BIRC6: variants seen among roughly 807,000 people sequenced by gnomAD.
The protein encoded by BIRC6 is dual E2 ubiquitin-conjugating enzyme/E3 ubiquitin-protein ligase BIRC6.
A neutral mutation model predicts 503.3 loss-of-function variants in BIRC6; 98 were observed. The ratio of observed to expected loss-of-function variants is 0.19; its 90% CI spans 0.17 to 0.23. The LOEUF (loss-of-function observed/expected upper bound fraction) is 0.23. Ranked by LOEUF, BIRC6 falls within the 10% of genes least tolerant of loss-of-function variation. BIRC6 has a pLI of 1.00. For synonymous variants in BIRC6, 2,240 were observed against 2,078.7 expected (o/e 1.08, Z -2.11); for missense variants, 5,360 against 5,806.0 (o/e 0.92, Z 2.50).
rs893911619 is a variant in BIRC6 at position 32,413,284 on chromosome 2, G to A, written c.1478-1485G>A. ...CAACCTCCGCCTTCTGGCTTCAAGC[G>A]ATTTTCCAGCCCCAGCCTCCTGAGT... is the stretch of plus-strand genomic sequence containing the variant. On this transcript the variant is annotated intron_variant, in intron 9 of 73. Transcript: ENST00000421745. Among the ~76,000 whole-genome samples the A allele has an allele frequency of 5.6e-4, 84 of 151,172 alleles. 2 individuals are homozygous for A. The highest frequency in any genetic ancestry group is 5.3e-3 in the Admixed American group (80 of 15,104).
At chr2:32,477,973 A>G (rs1210837882) in intron 35 of BIRC6, among the ~76,000 whole-genome samples, 1 of 152,122 alleles carries the variant, frequency 6.6e-6, no homozygotes, top group Non-Finnish European at 1.5e-5. Context: ...TAATGTGGAT[A>G]TGTTTATCTC....
At chr2:32,400,627 G>A (rs376142712) in intron 6 of BIRC6, among the ~76,000 whole-genome samples, 1 of 151,974 alleles carries the variant, frequency 6.6e-6, no homozygotes, top group South Asian at 2.1e-4. Flanking sequence ...ATGAGCCACC[G>A]CACCCGGCTG....
At chr2:32,380,370 C>T in intron 3 of BIRC6, 80 bp downstream of exon 3, 1 of 1,430,348 alleles carries the variant, frequency 7.0e-7, no homozygotes, top group Non-Finnish European at 9.2e-7. Context: ...CTTTCCTCTC[C>T]TTTTGGAAAT....
At chr2:32,430,627 G>A (rs774543700) in intron 11 of BIRC6, among the ~76,000 whole-genome samples, 4 of 151,986 alleles carry the variant, frequency 2.6e-5, no homozygotes, top group African/African-American at 4.8e-5. Flanking sequence ...TCAATAGCGA[G>A]TATTGTCTCT....
intron 1 of BIRC6, among the ~76,000 whole-genome samples, chr2:32,364,675 T>G (rs763832056): frequency 3.3e-5 from 5 of 152,128 alleles, no homozygotes; most frequent in Non-Finnish European, 7.4e-5. Context: ...ATAATGACTT[T>G]GATTTGAGAA....
chr2:32,408,278 C>CT (rs1268383582), intron 9 of BIRC6, among the ~76,000 whole-genome samples: 3 of 151,540 alleles, frequency 2.0e-5, no homozygotes, highest in Non-Finnish European at 2.9e-5. Context: ...AGACCTGGCT[C>CT]TTTCTTTTGT....
At chr2:32,503,701 C>T (rs961667896) in intron 49 of BIRC6, among the ~76,000 whole-genome samples, 15 of 152,004 alleles carry the variant, frequency 9.9e-5, no homozygotes, top group African/African-American at 2.9e-4. Flanking sequence ...GGATTACAGG[C>T]ATGAGCCACC....
intron 70 of BIRC6, 130 bp from the exon 71 acceptor site, chr2:32,602,876 G>A: frequency 3.1e-6 from 2 of 645,298 alleles, no homozygotes; most frequent in Non-Finnish European, 5.0e-6. Flanking sequence ...CAACCCTTAG[G>A]GTTTTATCTA....
At chr2:32,389,223 T>G (rs907909512) in intron 4 of BIRC6, among the ~76,000 whole-genome samples, 2 of 152,162 alleles carry the variant, frequency 1.3e-5, no homozygotes, top group Non-Finnish European at 2.9e-5. Context: ...TAGTACTTGC[T>G]TAGTAAATAT....
intron 71 of BIRC6, among the ~76,000 whole-genome samples, chr2:32,607,188 A>T (rs2062529375): frequency 8.4e-6 from 1 of 119,330 alleles, no homozygotes; most frequent in African/African-American, 3.5e-5. Flanking sequence ...TATTATTATT[A>T]TTATCATCTA....
intron 24 of BIRC6, 108 bp downstream of exon 24, chr2:32,463,489 C>A: frequency 9.1e-7 from 1 of 1,099,566 alleles, no homozygotes; most frequent in Non-Finnish European, 1.2e-6. Flanking sequence ...GTTGACTGAT[C>A]TGAGCTAATC....
At chr2:32,384,005 C>T (rs1313991477) in intron 3 of BIRC6, among the ~76,000 whole-genome samples, 4 of 152,176 alleles carry the variant, frequency 2.6e-5, no homozygotes, top group African/African-American at 9.7e-5. Context: ...AGTAGAACTT[C>T]TTTGACTATT....
At chr2:32,455,236 C>T (rs542693503) in intron 23 of BIRC6, among the ~76,000 whole-genome samples, 1 of 151,998 alleles carries the variant, frequency 6.6e-6, no homozygotes, top group East Asian at 1.9e-4. Flanking sequence ...AAAAAATTAG[C>T]TGGGCATGGT....
intron 3 of BIRC6, among the ~76,000 whole-genome samples, chr2:32,382,899 T>C (rs1416347542): frequency 6.6e-6 from 1 of 151,768 alleles, no homozygotes; most frequent in Non-Finnish European, 1.5e-5. Context: ...ACTTTTTGCA[T>C]TTTTAATAGA....
intron 35 of BIRC6, 30 bp downstream of exon 35, chr2:32,477,613 G>T: frequency 6.3e-7 from 1 of 1,576,536 alleles, no homozygotes; most frequent in South Asian, 1.1e-5. Context: ...AGACTTACAG[G>T]GTTGGCCGGG....
chr2:32,470,050 T>G, intron 30 of BIRC6, 118 bp from the exon 31 acceptor site: 1 of 884,444 alleles, frequency 1.1e-6, no homozygotes. Flanking sequence ...AAATATGGTA[T>G]GTTTTAAGAA....
intron 68 of BIRC6, among the ~76,000 whole-genome samples, chr2:32,596,982 C>T (rs2061717484): frequency 6.6e-6 from 1 of 152,186 alleles, no homozygotes; most frequent in Non-Finnish European, 1.5e-5. Flanking sequence ...TCTCATACTA[C>T]ATAAAATCAT....
intron 6 of BIRC6, among the ~76,000 whole-genome samples, chr2:32,397,404 G>A (rs776822671): frequency 1.3e-5 from 2 of 151,656 alleles, no homozygotes; most frequent in Non-Finnish European, 1.5e-5. Context: ...CTGGGGAGGC[G>A]GAGGTTGCAG....
At chr2:32,444,406 T>C (rs1187493753) in intron 20 of BIRC6, among the ~76,000 whole-genome samples, 1 of 152,144 alleles carries the variant, frequency 6.6e-6, no homozygotes, top group Non-Finnish European at 1.5e-5. Context: ...AGAATGAAGG[T>C]AGTTATCAAG....
Sources: gnomAD v4.1 joint callset for allele counts (sites outside exome capture counted in the v4.1 genomes callset) on GRCh38, gnomAD v4.1.1 for gene constraint, MANE v1.5 for transcripts, NCBI Gene and HGNC (gene_info 2026-07-23, HGNC 2026-07-21) for gene names.